RAB11FIP5: variants seen among roughly 807,000 people sequenced by gnomAD.
RAB11FIP5 encodes rab11 family-interacting protein 5.
In RAB11FIP5, 48 loss-of-function variants were observed where a neutral mutation model predicts 85.1. That is an observed-to-expected ratio of 0.56 (90% confidence interval 0.45 to 0.72). RAB11FIP5 has a LOEUF of 0.72. Ranked by LOEUF, RAB11FIP5 falls within the 30% of genes least tolerant of loss-of-function variation. The probability of loss-of-function intolerance (pLI) is 0.00; values close to 1 mark genes in which losing one functional copy is unlikely to be tolerated. For missense variants in RAB11FIP5, 1,491 were observed against 1,687.0 expected, an observed-to-expected ratio of 0.88 and a Z score of 2.04; for synonymous variants, 729 against 727.3, an observed-to-expected ratio of 1.00 and a Z score of -0.04.
At chr2:73,107,366 G>A (rs1684548415) in intron 1 of RAB11FIP5, among the ~76,000 whole-genome samples, 1 of 152,216 alleles carries the variant, frequency 6.6e-6, no homozygotes, top group Admixed American at 6.5e-5. Context: ...TCACAGCACT[G>A]AGGTGGCAGC....
Position 73,075,110 on chromosome 2 carries a change from T to C in RAB11FIP5, c.*411A>G. 2.5e-6 allele frequency: 1 copy of C among 403,180 alleles called. No homozygotes were observed. Among genetic ancestry groups the C allele is most frequent in the Non-Finnish European group, 4.9e-6 (1 of 203,908 alleles). The allele number at this position is 403,180 out of a possible 1,614,324, so 25.0% of individuals were successfully genotyped here. A position where few individuals can be genotyped will look rare whatever the true frequency, so the allele number is the denominator to read the frequency against. ...AGGGACTGGAGGGAAATGAAGGGGA[T>C]GGGGCTTTGGCTGTGGGAAGAAATG... On this transcript the variant is annotated 3_prime_UTR_variant, in exon 6 of 6. Coordinates refer to ENST00000486777, the MANE Select transcript of RAB11FIP5 (RefSeq NM_001371272.1). This position sits in a 1 kb window ranked among gnomAD's most constrained non-coding sequence, Gnocchi z 4.6.
At chr2:73,079,418 G>A (rs1471223560) in intron 4 of RAB11FIP5, among the ~76,000 whole-genome samples, 1 of 152,176 alleles carries the variant, frequency 6.6e-6, no homozygotes, top group Non-Finnish European at 1.5e-5. Context: ...CCAAACCCCT[G>A]GCTTGTGGGG....
chr2:73,082,113 G>A (rs1336698145), intron 3 of RAB11FIP5, among the ~76,000 whole-genome samples: 1 of 144,682 alleles, frequency 6.9e-6, no homozygotes, highest in Non-Finnish European at 1.5e-5. Flanking sequence ...TTGGCTCACT[G>A]CAACTTCTGC....
Position 73,075,117 on chromosome 2 carries a change from T to G in RAB11FIP5, c.*404A>C. On this transcript the variant is annotated 3_prime_UTR_variant, in exon 6 of 6. Transcript: ENST00000486777. The surrounding 1 kb of genome is among the most constrained non-coding windows in gnomAD (Gnocchi z 4.6). ...GGAGGGAAATGAAGGGGATGGGGCT[T>G]TGGCTGTGGGAAGAAATGGCTGACC... The G allele has an allele frequency of 2.4e-6, 1 of 414,224 alleles. No homozygotes were observed. 25.7% of individuals were successfully genotyped at this position (414,224 alleles called of 1,614,324 possible).
chr2:73,105,923 T>C (rs558196756), intron 1 of RAB11FIP5, among the ~76,000 whole-genome samples: 1 of 152,238 alleles, frequency 6.6e-6, no homozygotes, highest in South Asian at 2.1e-4. Context: ...TCAAGTCCAG[T>C]GACTCATGCC....
chr2:73,089,055 G>C lies in RAB11FIP5; in HGVS notation c.692C>G (p.Ala231Gly). The change falls in exon 2 of 6, where the codon GCC becomes GGC. Residue 231 changes from alanine (A) to glycine (G), a missense_variant. Transcript: ENST00000486777. This position sits in a 1 kb window ranked among gnomAD's most constrained non-coding sequence, Gnocchi z 4.6. ...CTTGTTGCGGAGGAAGAAGCCTTTG[G>C]CTTTGCCCATCTTGCCCAGGCTGCC... ...DLGSLGKMGK[A>G]KGFFLRNKLR... 6.2e-7 allele frequency: 1 copy of C among 1,614,220 alleles called. No homozygotes were observed. The highest frequency in any genetic ancestry group is 8.5e-7 in the Non-Finnish European group (1 of 1,180,032).
rs117128515 is a variant in RAB11FIP5, at chr2:73,094,516, C to T, written c.432-5201G>A. Among the ~76,000 whole-genome samples the T allele has an allele frequency of 2.2e-3, 340 of 152,328 alleles. 8 individuals carry two copies. In the East Asian group the frequency reaches 0.052, roughly 23 times the overall value. ...ACAGATATAAATCCACCCAAGACGC[C>T]ACCCAGACTTACTGAACTAGAAGGT... On this transcript the variant is annotated intron_variant, in intron 1 of 5. Transcript: ENST00000486777.
At chr2:73,092,474 G>C (rs369415116) in intron 1 of RAB11FIP5, among the ~76,000 whole-genome samples, 1 of 152,180 alleles carries the variant, frequency 6.6e-6, no homozygotes, top group Admixed American at 6.5e-5. Flanking sequence ...GTGGTAATAG[G>C]AAAAAGAGAC....
At chr2:73,103,107 C>T (rs975432869) in intron 1 of RAB11FIP5, among the ~76,000 whole-genome samples, 1 of 152,216 alleles carries the variant, frequency 6.6e-6, no homozygotes, top group Non-Finnish European at 1.5e-5. Context: ...TGTCTCCCCG[C>T]ATCCACCGCC....
At position 73,074,968 on chromosome 2, in the gene RAB11FIP5, C is replaced by T. The variant is rs1683823946; in HGVS notation, c.*553G>A. 1 of 352,126 alleles carries T rather than the reference C, an allele frequency of 2.8e-6. No individual in the cohort carries two copies. Among genetic ancestry groups the T allele is most frequent in the Non-Finnish European group, 5.6e-6 (1 of 178,796 alleles). The allele number at this position is 352,126 out of a possible 1,614,324, so 21.8% of individuals were successfully genotyped here. ...AGGACATGGCAGAGACTGGCCCAGACCACACAGGCTTCTTGCTCTCAGGGG... is the reference window on the plus strand; with the variant it reads ...AGGACATGGCAGAGACTGGCCCAGATCACACAGGCTTCTTGCTCTCAGGGG... On this transcript the variant is annotated 3_prime_UTR_variant, in exon 6 of 6. Transcript: ENST00000486777.
chr2:73,088,507 C>T lies in RAB11FIP5; in HGVS notation c.1111G>A (p.Val371Ile), dbSNP rs757499419. The change falls in exon 3 of 6, where the codon GTC (valine) becomes ATC (isoleucine). Residue 371 changes from valine to isoleucine, a missense_variant. Val to Ile is a conservative substitution (Grantham distance 29, BLOSUM62 3). This residue lies in a region of RAB11FIP5 where 1,211 missense variants were observed against 1,338.0 expected (regional missense o/e 0.91). Transcript: ENST00000486777. ...SLPSSGSLQAVSSRFSEEGPR... is the reference protein window; with the variant it reads ...SLPSSGSLQAISSRFSEEGPR... Reference sequence around the variant, plus strand: ...CCCTCCTCGGAGAACCGGGAAGAGACAGCTTGCAAGGAGCCAGAGGATGGA... The same window carrying T: ...CCCTCCTCGGAGAACCGGGAAGAGATAGCTTGCAAGGAGCCAGAGGATGGA... 6.2e-7 allele frequency: 1 copy of T among 1,614,038 alleles called. No homozygotes were observed. Among genetic ancestry groups the T allele is most frequent in the Non-Finnish European group, 8.5e-7 (1 of 1,180,052 alleles).
Position 73,081,594 on chromosome 2 carries a change from C to T in RAB11FIP5, c.1638G>A (p.Trp546Ter). 16 of 1,214,346 alleles carry T rather than the reference C, an allele frequency of 1.3e-5. No individual in the cohort carries two copies. The highest frequency in any genetic ancestry group is 1.6e-5 in the Non-Finnish European group (16 of 971,824). The allele number at this position is 1,214,346 out of a possible 1,614,324, so 75.2% of individuals were successfully genotyped here. Residue 546 changes from tryptophan (W) to a stop codon, truncating the protein, a stop_gained, in exon 4 of 6, where the codon TGG (tryptophan) becomes TGA (stop). Transcript: ENST00000486777. LOFTEE classifies it high-confidence loss of function. This position sits in a 1 kb window ranked among gnomAD's most constrained non-coding sequence, Gnocchi z 4.2. ...ALPHHLPCSPWAPAPPTPAPT... is the reference protein window; with the variant it reads ...ALPHHLPCSP ...GAGCAGGAGTGGGAGGGGCCGGAGC[C>T]CAGGGGGAGCAGGGGAGGTGGTGAG...
intron 4 of RAB11FIP5, among the ~76,000 whole-genome samples, chr2:73,076,868 C>T (rs1276927449): frequency 6.6e-6 from 1 of 152,180 alleles, no homozygotes; most frequent in Non-Finnish European, 1.5e-5. Context: ...AACAGGACGT[C>T]GGTCTCTACC....
chr2:73,101,083 G>A (rs998133038), intron 1 of RAB11FIP5, among the ~76,000 whole-genome samples: 1 of 152,120 alleles, frequency 6.6e-6, no homozygotes, highest in Non-Finnish European at 1.5e-5. Flanking sequence ...CACCCATCAG[G>A]GCTTCGCTGA....
At chr2:73,090,990 G>A (rs1049420363) in intron 1 of RAB11FIP5, among the ~76,000 whole-genome samples, 2 of 152,134 alleles carry the variant, frequency 1.3e-5, no homozygotes, top group African/African-American at 4.8e-5. Flanking sequence ...CGTGGGTGGA[G>A]TAGATGGGAA....
At chr2:73,093,991 C>T (rs1180232461) in intron 1 of RAB11FIP5, among the ~76,000 whole-genome samples, 2 of 151,980 alleles carry the variant, frequency 1.3e-5, no homozygotes, top group Admixed American at 6.6e-5. Context: ...TGTGGTGGCA[C>T]ACGTTTGTAA....
chr2:73,080,904 T>C lies in RAB11FIP5; in HGVS notation c.2328A>G (p.Glu776=). 8.1e-7 allele frequency: 1 copy of C among 1,232,600 alleles called. No individual in the cohort carries two copies. The highest frequency in any genetic ancestry group is 1.0e-6 in the Non-Finnish European group (1 of 988,344). 76.4% of individuals were successfully genotyped at this position (1,232,600 alleles called of 1,614,324 possible). The part of the protein sequence containing the change: ...PDRELPAPEV[E]AGQSPADSGT... ...CACTGTCTGCCGGACTCTGCCCTGCTTCCACTTCCGGGGCTGGCAGTTCCC... is the reference window on the plus strand; with the variant it reads ...CACTGTCTGCCGGACTCTGCCCTGCCTCCACTTCCGGGGCTGGCAGTTCCC... Residue 776 remains glutamate (E), a synonymous_variant, in exon 4 of 6, where the codon GAA becomes GAG. Transcript: ENST00000486777.
intron 1 of RAB11FIP5, among the ~76,000 whole-genome samples, chr2:73,108,616 T>C (rs1684576958): frequency 6.6e-6 from 1 of 152,148 alleles, no homozygotes; most frequent in Non-Finnish European, 1.5e-5. Context: ...TCCACACCAA[T>C]CGCATAAAGA....
chr2:73,079,694 G>A lies in RAB11FIP5; in HGVS notation c.3538C>T (p.Pro1180Ser). The change falls in exon 4 of 6, where the codon CCC becomes TCC. Residue 1180 changes from proline (P) to serine (S), a missense_variant. By Grantham distance (74) the Pro-to-Ser change is moderately conservative. Around this residue, in one of 3 missense-constraint regions of RAB11FIP5, gnomAD observed 232 missense variants for 259.1 expected, o/e 0.90. Coordinates refer to ENST00000486777, the MANE Select transcript of RAB11FIP5 (RefSeq NM_001371272.1). Reference sequence around the variant, plus strand: ...TCCTCAGCTGGTCGTGTCTCCAAGGGCAGAAGCACAAGCGGGGAGGCTGGG... The same window carrying A: ...TCCTCAGCTGGTCGTGTCTCCAAGGACAGAAGCACAAGCGGGGAGGCTGGG... ...ATPASPLVLL[P>S]LETRPAEEPQ... The A allele has an allele frequency of 2.4e-6, 3 of 1,233,506 alleles. No homozygotes were observed. The highest frequency in any genetic ancestry group is 3.0e-6 in the Non-Finnish European group (3 of 989,036). 76.4% of individuals were successfully genotyped at this position (1,233,506 alleles called of 1,614,324 possible).
Sources: gnomAD v4.1 joint callset for allele counts (sites outside exome capture counted in the v4.1 genomes callset) on GRCh38, gnomAD v4.1.1 for gene constraint, gnomAD v4.1.1 regional missense constraint, Gnocchi (gnomAD v3.1) non-coding constraint, MANE v1.5 for transcripts, NCBI Gene and HGNC (gene_info 2026-07-23, HGNC 2026-07-21) for gene names.